Variants in FER observed in about 807,000 individuals in gnomAD.
FER encodes the protein FER tyrosine kinase, also known as tyrosine-protein kinase Fer.
A neutral mutation model predicts 111.0 loss-of-function variants in FER; 63 were observed. The observed-to-expected ratio is 0.57, with a 90% CI of 0.46 to 0.70. FER has a LOEUF of 0.70. FER is among the 30% of genes least tolerant of loss of function. FER has a pLI of 0.00. For synonymous variants in FER, 327 were observed against 313.9 expected, an observed-to-expected ratio of 1.04 and a Z score of -0.44; for missense variants, 914 against 954.0, an observed-to-expected ratio of 0.96 and a Z score of 0.55.
chr5:109,113,698 C>T (rs982610174), intron 17 of FER, among the ~76,000 whole-genome samples: 3 of 152,132 alleles, frequency 2.0e-5, no homozygotes, highest in Non-Finnish European at 2.9e-5. Flanking sequence ...CTATGCCTGG[C>T]GCATAGTATG....
intron 13 of FER, among the ~76,000 whole-genome samples, chr5:109,007,965 ACT>A (rs1765713471): frequency 6.6e-6 from 1 of 152,062 alleles, no homozygotes; most frequent in African/African-American, 2.4e-5. Flanking sequence ...ACTTTTAGCT[ACT>A]CTCATAGGTA....
At chr5:108,945,220 A>T (rs1033599451) in intron 10 of FER, among the ~76,000 whole-genome samples, 4 of 152,192 alleles carry the variant, frequency 2.6e-5, no homozygotes, top group African/African-American at 9.6e-5. Context: ...TGACAAAAGG[A>T]TCTCTTGTTC....
intron 5 of FER, among the ~76,000 whole-genome samples, chr5:108,856,550 A>T (rs1763025867): frequency 6.6e-6 from 1 of 152,234 alleles, no homozygotes; most frequent in South Asian, 2.1e-4. Flanking sequence ...TACATTTTTG[A>T]TACAGTCATA....
intron 1 of FER, among the ~76,000 whole-genome samples, chr5:108,767,889 G>A (rs80307504): frequency 0.015 from 2,209 of 152,320 alleles, 13 homozygotes; most frequent in Non-Finnish European, 0.021. Context: ...ATACATTACT[G>A]TTTCGGAAAG....
At chr5:109,056,206 A>T (rs1327175903) in intron 16 of FER, among the ~76,000 whole-genome samples, 1 of 152,234 alleles carries the variant, frequency 6.6e-6, no homozygotes, top group Non-Finnish European at 1.5e-5. Context: ...GTACCTCAGC[A>T]ATCCCTCTTC....
rs1357831609 is a variant in FER at position 109,013,447 on chromosome 5, T to C, written c.1657-23975T>C. ...TAGCTGCATAGTATTCCACGGTGTA[T>C]ATGTGCCACATTTTCTTAATCCAGT... On this transcript the variant is annotated intron_variant, in intron 13 of 19. Transcript: ENST00000281092. Among the ~76,000 whole-genome samples, 4 of 151,916 alleles carry C rather than the reference T, an allele frequency of 2.6e-5. No individual in the cohort carries two copies. In the East Asian group the frequency reaches 7.7e-4, roughly 29 times the overall value.
intron 10 of FER, among the ~76,000 whole-genome samples, chr5:108,900,179 G>A (rs971021392): frequency 6.6e-6 from 1 of 152,110 alleles, no homozygotes; most frequent in African/African-American, 2.4e-5. Flanking sequence ...TTACAAATAA[G>A]ACAGGGCATT....
intron 13 of FER, among the ~76,000 whole-genome samples, chr5:109,028,835 A>G (rs1222394658): frequency 6.6e-6 from 1 of 152,166 alleles, no homozygotes; most frequent in Non-Finnish European, 1.5e-5. Context: ...GTGTGATACC[A>G]TTACTCAGGA....
intron 13 of FER, among the ~76,000 whole-genome samples, chr5:108,967,304 T>C (rs1054877674): frequency 6.6e-6 from 1 of 152,156 alleles, no homozygotes; most frequent in Admixed American, 6.5e-5. Flanking sequence ...AGAGGGGACA[T>C]GAGAGTGGTC....
chr5:109,196,142 A>G lies in FER; in HGVS notation c.*8567A>G, dbSNP rs1759732506. On this transcript the variant is annotated 3_prime_UTR_variant, in exon 20 of 20. Coordinates refer to ENST00000281092, the MANE Select transcript of FER (RefSeq NM_005246.4). ...CAAATTGAAAGCCAAGACAAAATGT[A>G]CAAATGGTGCCCATGCCATTCATTT... 6.6e-6 allele frequency: 1 copy of G among 152,250 alleles called. No individual in the cohort carries two copies. The highest frequency in any genetic ancestry group is 2.4e-5 in the African/African-American group (1 of 41,472). 9.4% of individuals were successfully genotyped at this position (152,250 alleles called of 1,614,324 possible).
At chr5:109,044,162 A>G (rs949885217) in intron 14 of FER, among the ~76,000 whole-genome samples, 3 of 150,590 alleles carry the variant, frequency 2.0e-5, no homozygotes, top group African/African-American at 4.9e-5. Flanking sequence ...CTTCTAAAAT[A>G]AATACACTAT....
chr5:109,094,391 G>A (rs72796562), intron 16 of FER, among the ~76,000 whole-genome samples: 3 of 152,016 alleles, frequency 2.0e-5, no homozygotes, highest in Non-Finnish European at 4.4e-5. Flanking sequence ...TCTTTTTGAG[G>A]GCCAACATGA....
intron 16 of FER, among the ~76,000 whole-genome samples, chr5:109,089,815 A>G (rs1777961522): frequency 1.3e-5 from 2 of 152,184 alleles, no homozygotes; most frequent in African/African-American, 4.8e-5. Flanking sequence ...AGATCTCCCC[A>G]GAGAACTGGT....
At position 108,998,595 on chromosome 5, in the gene FER, C is replaced by T. The variant is rs1174031366; in HGVS notation, c.1657-38827C>T. Among the ~76,000 whole-genome samples, 4 of 152,040 alleles carry T rather than the reference C, an allele frequency of 2.6e-5. No individual in the cohort carries two copies. The East Asian group carries it at 5.8e-4, about 22-fold the overall frequency. On this transcript the variant is annotated intron_variant, in intron 13 of 19. Transcript: ENST00000281092. ...AGCTGTTCCTATTTGGCCATCTTGG[C>T]GCATTAATGGCTCTTATTAATTTGA...
chr5:108,929,005 A>G (rs1455259635), intron 10 of FER, among the ~76,000 whole-genome samples: 2 of 152,136 alleles, frequency 1.3e-5, no homozygotes, highest in African/African-American at 2.4e-5. Context: ...ATGAATAAAT[A>G]TATCTGTAGG....
At chr5:108,942,785 T>C (rs761324992) in intron 10 of FER, among the ~76,000 whole-genome samples, 2 of 152,210 alleles carry the variant, frequency 1.3e-5, no homozygotes, top group Non-Finnish European at 2.9e-5. Flanking sequence ...GGTAGTCTTC[T>C]CTGGGGTTAT....
intron 13 of FER, among the ~76,000 whole-genome samples, chr5:108,978,311 A>T (rs988408510): frequency 1.3e-5 from 2 of 152,210 alleles, no homozygotes; most frequent in African/African-American, 4.8e-5. Flanking sequence ...AGATTTTTTC[A>T]GTTTTTCCAG....
intron 5 of FER, among the ~76,000 whole-genome samples, chr5:108,850,262 A>G (rs1762426493): frequency 6.6e-6 from 1 of 151,524 alleles, no homozygotes; most frequent in Non-Finnish European, 1.5e-5. Context: ...GAAATTTATA[A>G]TGATCCTCTA....
intron 13 of FER, among the ~76,000 whole-genome samples, chr5:109,001,383 C>T (rs887300728): frequency 6.6e-6 from 1 of 152,108 alleles, no homozygotes; most frequent in Non-Finnish European, 1.5e-5. Flanking sequence ...AGACAAAAAC[C>T]ACATGATTAT....
Sources: allele counts gnomAD v4.1 joint callset (sites outside exome capture counted in the v4.1 genomes callset), GRCh38; gene constraint gnomAD v4.1.1; transcripts MANE v1.5; gene names NCBI Gene and HGNC (gene_info 2026-07-23, HGNC 2026-07-21).